DSC1: variants seen among roughly 807,000 people sequenced by gnomAD.
DSC1 encodes the protein desmocollin-1.
DSC1 carries 79 observed loss-of-function variants against 98.8 expected under a neutral mutation model. The ratio of observed to expected loss-of-function variants is 0.80; its 90% confidence interval spans 0.67 to 0.96. The LOEUF is 0.96. Ranked by LOEUF, DSC1 falls within the 50% of genes least tolerant of loss-of-function variation. DSC1 has a pLI of 0.00. For synonymous variants in DSC1, 405 were observed against 372.1 expected, an observed-to-expected ratio of 1.09 and a Z score of -1.02; for missense variants, 1,115 against 1,075.9, an observed-to-expected ratio of 1.04 and a Z score of -0.51.
chr18:31,137,234 C>G (rs771035038), intron 11 of DSC1, among the ~76,000 whole-genome samples: 4 of 152,022 alleles, frequency 2.6e-5, no homozygotes, highest in Non-Finnish European at 5.9e-5. Context: ...GTAATTTGTT[C>G]ATGTTCTTTT....
chr18:31,134,159 G>A, intron 12 of DSC1, 29 bp from the exon 13 acceptor site: 1 of 1,591,456 alleles, frequency 6.3e-7, no homozygotes, highest in Non-Finnish European at 8.5e-7. Flanking sequence ...GAATATATAT[G>A]GATTGGCTGT....
chr18:31,147,809 TA>T (rs553899813), intron 6 of DSC1, among the ~76,000 whole-genome samples: 1,925 of 151,572 alleles, frequency 0.013, 46 homozygotes, highest in African/African-American at 0.044. Flanking sequence ...AAATGTCTGT[TA>T]AAAAAAAATT....
intron 4 of DSC1, 108 bp from the exon 5 acceptor site, chr18:31,155,037 T>A: frequency 7.8e-7 from 1 of 1,279,528 alleles, no homozygotes; most frequent in Non-Finnish European, 1.1e-6. Flanking sequence ...CCTACTCTCC[T>A]ATTCTTTCTT....
chr18:31,156,605 T>A (rs1018735074), intron 3 of DSC1, among the ~76,000 whole-genome samples: 1 of 152,192 alleles, frequency 6.6e-6, no homozygotes, highest in African/African-American at 2.4e-5. Flanking sequence ...ATGTGGGGAT[T>A]TTACAATGTG....
intron 2 of DSC1, among the ~76,000 whole-genome samples, chr18:31,158,586 A>T (rs1989146339): frequency 6.6e-6 from 1 of 152,162 alleles, no homozygotes; most frequent in Non-Finnish European, 1.5e-5. Flanking sequence ...TGATGAAAAA[A>T]ATTTTACGTT....
Position 31,148,501 on chromosome 18 carries a change from A to G in DSC1, c.769T>C (p.Ser257Pro). 1 of 1,596,042 alleles carries G rather than the reference A, an allele frequency of 6.3e-7. No homozygotes were observed. The highest frequency in any genetic ancestry group is 8.6e-7 in the Non-Finnish European group (1 of 1,167,242). ...CTACAATAAAATGTGAACTTACCGG[A>G]TCGGCAATTTTCAGGCACAGTAAAG... The part of the protein sequence containing the change: ...TIFTVPENCR[S>P]GTSVGKVTAT... The change falls in exon 6 of 16, where the codon TCC becomes CCC. Residue 257 changes from serine (S) to proline (P), a missense_variant. By Grantham distance (74) the Ser-to-Pro change is moderately conservative. Transcript: ENST00000257198.
At chr18:31,139,727 T>A in intron 11 of DSC1, 21 bp downstream of exon 11, 1 of 1,551,712 alleles carries the variant, frequency 6.4e-7, no homozygotes, top group Non-Finnish European at 8.7e-7. Flanking sequence ...TTATATTTTA[T>A]CTGTAGAAAA....
rs1405570192 is a variant in DSC1, at chr18:31,134,102, T to C, written c.1905A>G (p.Gln635=). 5 of 1,606,636 alleles carry C rather than the reference T, an allele frequency of 3.1e-6. No homozygotes were observed. The highest frequency in any genetic ancestry group is 4.2e-6 in the Non-Finnish European group (5 of 1,179,362). ...DGKTAILRQR[Q]NLDYNYYSVP... is the part of the protein sequence containing the mutation. The stretch of plus-strand genomic sequence containing the variant: ...CAGAATAATAGTTATAATCAAGATT[T>C]TGCCGTTGACGAAGAATGGCAGTTT... Residue 635 remains glutamine, a synonymous_variant, in exon 13 of 16, where the codon CAA becomes CAG. Coordinates refer to ENST00000257198, the MANE Select transcript of DSC1 (RefSeq NM_024421.2).
rs1989229643 is a variant in DSC1 at position 31,162,547 on chromosome 18, G to T, written c.48C>A (p.Leu16=). The change falls in exon 1 of 16, where the codon CTC becomes CTA. Residue 16 remains leucine, a synonymous_variant. Transcript: ENST00000257198. ...TGTTACTCACCAGGAGAGAGAAAAGGAGCTGCTTACAGAAGATGCTCCCTG... is the reference window on the plus strand; with the variant it reads ...TGTTACTCACCAGGAGAGAGAAAAGTAGCTGCTTACAGAAGATGCTCCCTG... ...AAPGSIFCKQ[L]LFSLLVLTLL... 1 of 1,614,118 alleles carries T rather than the reference G, an allele frequency of 6.2e-7. No individual in the cohort carries two copies. The highest frequency in any genetic ancestry group is 8.5e-7 in the Non-Finnish European group (1 of 1,180,012).
intron 1 of DSC1, among the ~76,000 whole-genome samples, chr18:31,159,741 A>T (rs1989176532): frequency 6.6e-6 from 1 of 152,214 alleles, no homozygotes; most frequent in South Asian, 2.1e-4. Context: ...AAAAAAATTA[A>T]GTGAATAGTA....
At position 31,150,755 on chromosome 18, in the gene DSC1, T is replaced by A. The variant is rs114999496; in HGVS notation, c.628-2113A>T. On this transcript the variant is annotated intron_variant, in intron 5 of 15. Transcript: ENST00000257198. Reference sequence around the variant, plus strand: ...TCCTTAAAATGCTGTCATTTTGATATTTTAGCTGGATAAAACTATAAAATG... The same window carrying A: ...TCCTTAAAATGCTGTCATTTTGATAATTTAGCTGGATAAAACTATAAAATG... 1.2e-3 allele frequency: 187 copies of A among 152,398 alleles called. 1 individual carries two copies. The highest frequency in any genetic ancestry group is 4.4e-3 in the African/African-American group (181 of 41,576). 9.4% of individuals were successfully genotyped at this position (152,398 alleles called of 1,614,324 possible). A position where few individuals can be genotyped will look rare whatever the true frequency, so the allele number is the denominator to read the frequency against.
At chr18:31,138,616 TTA>T (rs1491284634) in intron 11 of DSC1, among the ~76,000 whole-genome samples, 2 of 50,092 alleles carry the variant, frequency 4.0e-5, no homozygotes, top group Non-Finnish European at 1.2e-4. Flanking sequence ...CATTTTGTTA[TTA>T]AAAAAAAAAA....
intron 5 of DSC1, among the ~76,000 whole-genome samples, chr18:31,149,277 G>A (rs2144945257): frequency 6.6e-6 from 1 of 152,272 alleles, no homozygotes; most frequent in South Asian, 2.1e-4. Context: ...GCAAATAGTT[G>A]TTGAATGGAT....
At chr18:31,134,526 C>T (rs1988566191) in intron 12 of DSC1, 46 bp downstream of exon 12, 3 of 1,411,916 alleles carry the variant, frequency 2.1e-6, no homozygotes, top group South Asian at 2.6e-5. Context: ...GAACCATCAC[C>T]AATCTGAAGT....
chr18:31,132,199 A>G (rs1045812178), intron 14 of DSC1: 3 of 351,904 alleles, frequency 8.5e-6, no homozygotes, highest in African/African-American at 4.2e-5. Context: ...GAATCGCCAT[A>G]TGAAGATTTG....
chr18:31,139,756 A>C lies in DSC1; in HGVS notation c.1655T>G (p.Val552Gly). The C allele has an allele frequency of 6.3e-7, 1 of 1,599,586 alleles. No homozygotes were observed. The highest frequency in any genetic ancestry group is 1.7e-4 in the Middle Eastern group (1 of 5,940). ...NNQYNISVVA[V>G]DAVGRSCTGT... ...TAGAAAATGGCACTCACCTGCATCC[A>C]CTGCAACAACTGAAATATTGTATTG... The change falls in exon 11 of 16, where the codon GTG becomes GGG. Residue 552 changes from valine to glycine, a missense_variant. Val to Gly is a moderately radical substitution (Grantham distance 109). Transcript: ENST00000257198.
intron 9 of DSC1, among the ~76,000 whole-genome samples, chr18:31,140,994 T>TTTGCTTCTGCCTCATTCTTCTC (rs1171276716): frequency 1.2e-4 from 18 of 152,260 alleles, no homozygotes; most frequent in Admixed American, 7.9e-4. Context: ...GGTTTCTGCT[T>TTTGCTTCTGCCTCATTCTTCTC]TTGCTTCTGC....
intron 1 of DSC1, 97 bp downstream of exon 1, chr18:31,162,435 C>T (rs1348555374): frequency 4.4e-6 from 5 of 1,142,786 alleles, no homozygotes; most frequent in Non-Finnish European, 6.5e-6. Context: ...TCTTCTCTGC[C>T]TCCCATCCTC....
intron 5 of DSC1, among the ~76,000 whole-genome samples, chr18:31,154,053 T>A (rs1989048138): frequency 2.0e-5 from 3 of 152,160 alleles, no homozygotes; most frequent in Non-Finnish European, 4.4e-5. Context: ...TCCAAAAACC[T>A]ACTATGAATA....
Sources: gnomAD v4.1 joint callset for allele counts (sites outside exome capture counted in the v4.1 genomes callset) on GRCh38, gnomAD v4.1.1 for gene constraint, MANE v1.5 for transcripts, NCBI Gene and HGNC (gene_info 2026-07-23, HGNC 2026-07-21) for gene names.